Variants in CFAP20DC observed in about 807,000 individuals in gnomAD.
CFAP20DC encodes the protein CFAP20 domain containing, also known as protein CFAP20DC.
CFAP20DC carries 84 observed loss-of-function variants against 101.7 expected under a neutral mutation model. The observed-to-expected ratio is 0.83, with a 90% CI of 0.69 to 0.99. CFAP20DC has a LOEUF of 0.99. CFAP20DC is among the 50% of genes least tolerant of loss of function. CFAP20DC has a pLI of 0.00. For synonymous variants in CFAP20DC, 359 were observed against 351.2 expected (o/e 1.02, Z -0.25); for missense variants, 1,007 against 970.3 (o/e 1.04, Z -0.50).
intron 3 of CFAP20DC, among the ~76,000 whole-genome samples, chr3:58,719,088 TAA>T (rs773568387): frequency 1.3e-5 from 2 of 151,816 alleles, no homozygotes; most frequent in African/African-American, 2.4e-5. Flanking sequence ...TACAAAAAAA[TAA>T]AAAATTAGCC....
At chr3:58,967,041 G>A (rs2091602245) in intron 4 of CFAP20DC, among the ~76,000 whole-genome samples, 1 of 152,092 alleles carries the variant, frequency 6.6e-6, no homozygotes, top group Admixed American at 6.6e-5. Flanking sequence ...GAAATGCAAA[G>A]GACCCAGAGC....
intron 4 of CFAP20DC, among the ~76,000 whole-genome samples, chr3:59,005,443 T>C (rs1293954703): frequency 1.3e-5 from 2 of 152,186 alleles, no homozygotes; most frequent in African/African-American, 4.8e-5. Context: ...TACAGACAAG[T>C]TTCAGACAAA....
At chr3:58,968,428 T>C (rs1297880940) in intron 4 of CFAP20DC, among the ~76,000 whole-genome samples, 2 of 152,178 alleles carry the variant, frequency 1.3e-5, no homozygotes, top group East Asian at 3.8e-4. Context: ...TGGTATCTCA[T>C]TGTGGTTTTT....
At chr3:58,902,680 C>T (rs1377179820) in intron 6 of CFAP20DC, among the ~76,000 whole-genome samples, 1 of 152,118 alleles carries the variant, frequency 6.6e-6, no homozygotes, top group Non-Finnish European at 1.5e-5. Context: ...TTGGTATCCA[C>T]AAGGGATTGG....
At chr3:59,048,813 A>G (rs1700082316) in intron 1 of CFAP20DC, among the ~76,000 whole-genome samples, 1 of 152,226 alleles carries the variant, frequency 6.6e-6, no homozygotes. Flanking sequence ...ACAGACTGTA[A>G]ACAAGGAGTG....
At chr3:58,959,591 T>C (rs1376160326) in intron 4 of CFAP20DC, among the ~76,000 whole-genome samples, 3 of 152,248 alleles carry the variant, frequency 2.0e-5, no homozygotes, top group Non-Finnish European at 2.9e-5. Flanking sequence ...TAAGGATTTG[T>C]TTCTTGACTG....
At chr3:58,813,582 C>A (rs956022443) in intron 14 of CFAP20DC, among the ~76,000 whole-genome samples, 1 of 151,856 alleles carries the variant, frequency 6.6e-6, no homozygotes, top group African/African-American at 2.4e-5. Context: ...AGAGCTCATA[C>A]TCCTTAGCTT....
intron 15 of CFAP20DC, among the ~76,000 whole-genome samples, chr3:58,792,476 T>G (rs74186869): frequency 0.095 from 14,413 of 152,100 alleles, 1,148 homozygotes; most frequent in East Asian, 0.35. Flanking sequence ...ATAGGAATTT[T>G]ATTCTGAAAA....
chr3:58,982,183 G>T (rs898859268), intron 4 of CFAP20DC, among the ~76,000 whole-genome samples: 4 of 152,206 alleles, frequency 2.6e-5, no homozygotes, highest in African/African-American at 9.7e-5. Context: ...AGTTAGAATG[G>T]CAATCATTAA....
intron 5 of CFAP20DC, among the ~76,000 whole-genome samples, chr3:58,927,697 G>A (rs140460558): frequency 7.2e-4 from 109 of 152,150 alleles, no homozygotes; most frequent in Non-Finnish European, 1.3e-3. Flanking sequence ...TTCCTAAGGG[G>A]TAGAAAGAAG....
intron 15 of CFAP20DC, among the ~76,000 whole-genome samples, chr3:58,756,352 CTACTCT>C (rs745808951): frequency 6.6e-6 from 1 of 152,104 alleles, no homozygotes; most frequent in Non-Finnish European, 1.5e-5. Flanking sequence ...TACCCTAAAC[CTACTCT>C]CTCAAGTTCT....
chr3:59,045,364 G>A (rs1033958749), intron 3 of CFAP20DC, among the ~76,000 whole-genome samples: 4 of 151,682 alleles, frequency 2.6e-5, no homozygotes, highest in African/African-American at 9.7e-5. Flanking sequence ...AATGAAAGAA[G>A]GAATAAGTAA....
At chr3:58,804,368 T>TTC (rs1348234335) in intron 15 of CFAP20DC, among the ~76,000 whole-genome samples, 1 of 151,312 alleles carries the variant, frequency 6.6e-6, no homozygotes, top group African/African-American at 2.4e-5. Context: ...TTAGTTCTTT[T>TTC]TTTTTTTTTT....
downstream of CFAP20DC, among the ~76,000 whole-genome samples, chr3:58,739,185 T>C (rs955791620): frequency 2.6e-5 from 4 of 152,214 alleles, no homozygotes; most frequent in African/African-American, 9.6e-5. Flanking sequence ...CAAGAACTTA[T>C]AATTACCAGG....
intron 15 of CFAP20DC, among the ~76,000 whole-genome samples, chr3:58,797,646 C>CA (rs370709364): frequency 8.6e-4 from 131 of 152,266 alleles, no homozygotes; most frequent in African/African-American, 2.9e-3. Flanking sequence ...AATAGGTTTT[C>CA]AATGTAGACA....
At chr3:58,841,026 G>C (rs1015384472) in intron 13 of CFAP20DC, among the ~76,000 whole-genome samples, 2 of 152,326 alleles carry the variant, frequency 1.3e-5, no homozygotes, top group South Asian at 2.1e-4. Flanking sequence ...AGCTTTGACA[G>C]AGGGTTCTGT....
chr3:58,976,164 T>C (rs567144519), intron 4 of CFAP20DC, among the ~76,000 whole-genome samples: 6 of 152,286 alleles, frequency 3.9e-5, no homozygotes, highest in Middle Eastern at 3.4e-3. Context: ...TTAAGACCTA[T>C]TCAACAAGGT....
At chr3:58,860,572 T>C (rs2079167722) in intron 12 of CFAP20DC, among the ~76,000 whole-genome samples, 1 of 152,224 alleles carries the variant, frequency 6.6e-6, no homozygotes, top group Non-Finnish European at 1.5e-5. Flanking sequence ...CTTGCAAATA[T>C]CTGCTTCAAT....
At position 59,049,655 on chromosome 3, in the gene CFAP20DC, G is replaced by T. The variant is rs181992246; in HGVS notation, c.-24C>A. 6,706 of 1,535,818 alleles carry T rather than the reference G, an allele frequency of 4.4e-3. 68 individuals are homozygous for T. The highest frequency in any genetic ancestry group is 0.016 in the Middle Eastern group (94 of 5,988). ...ATTCCCGCAGGGGGCCCAGGGCTTG[G>T]GGGGCACAGAGTTCAGGGTTTCCAG... On this transcript the variant is annotated 5_prime_UTR_variant, in exon 1 of 17. Transcript: ENST00000482387.
Sources: gnomAD v4.1 joint callset for allele counts (sites outside exome capture counted in the v4.1 genomes callset) on GRCh38, gnomAD v4.1.1 for gene constraint, MANE v1.5 for transcripts, NCBI Gene and HGNC (gene_info 2026-07-23, HGNC 2026-07-21) for gene names.